Variants in WDR1 observed in about 807,000 individuals in gnomAD.
WDR1 encodes WD repeat domain 1, also known as WD repeat-containing protein 1.
WDR1 carries 21 observed loss-of-function variants against 71.9 expected under a neutral mutation model. The ratio of observed to expected loss-of-function variants is 0.29; its 90% confidence interval spans 0.21 to 0.42. WDR1 has a LOEUF of 0.42. Ranked by LOEUF, WDR1 falls within the 10% of genes least tolerant of loss-of-function variation. The pLI is 1.00. For synonymous variants in WDR1, 424 were observed against 347.4 expected (o/e 1.22, Z -2.45); for missense variants, 696 against 824.5 (o/e 0.84, Z 1.91).
intron 2 of WDR1, among the ~76,000 whole-genome samples, chr4:10,104,511 G>A (rs1352031108): frequency 6.6e-6 from 1 of 152,216 alleles, no homozygotes; most frequent in Non-Finnish European, 1.5e-5. Context: ...CTTGGGTTTG[G>A]AAAGGAAAGT....
rs765018663 is a variant in WDR1 at position 10,083,056 on chromosome 4, C to T, written c.1162G>A (p.Val388Met). The T allele has an allele frequency of 3.7e-6, 6 of 1,613,774 alleles. No individual in the cohort carries two copies. Among genetic ancestry groups the T allele is most frequent in the Non-Finnish European group, 5.1e-6 (6 of 1,179,820 alleles). Residue 388 changes from valine to methionine, a missense_variant, in exon 10 of 15, where the codon GTG becomes ATG. Coordinates refer to ENST00000499869, the MANE Select transcript of WDR1 (RefSeq NM_017491.5). The stretch of plus-strand genomic sequence containing the variant: ...CGCAGCATGAGGCTGGTGTACCGCA[C>T]GGTGTCGTCCATGCTGCAGCTGATG... Reference protein sequence around the residue: ...QLISCSMDDTVRYTSLMLRDY... With the variant: ...QLISCSMDDTMRYTSLMLRDY...
intron 8 of WDR1, 107 bp downstream of exon 8, chr4:10,087,600 C>G: frequency 2.7e-6 from 3 of 1,127,444 alleles, no homozygotes; most frequent in Non-Finnish European, 3.7e-6. Flanking sequence ...CTGAGGACAC[C>G]TCTCTAGCTT....
chr4:10,076,314 C>G (rs369654288), intron 14 of WDR1: 1 of 152,356 alleles, frequency 6.6e-6, no homozygotes, highest in Admixed American at 6.5e-5. Context: ...GGCTTTAGCA[C>G]TCTGTCCACA....
chr4:10,085,058 C>T lies in WDR1; in HGVS notation c.952-528G>A, dbSNP rs145498875. On this transcript the variant is annotated intron_variant, in intron 8 of 14. Transcript: ENST00000499869. Reference sequence around the variant, plus strand: ...GCCCAAGGCTGTCCGTGAACGCTGACGCTCCTACCCTAACCTCCCTGACTG... The same window carrying T: ...GCCCAAGGCTGTCCGTGAACGCTGATGCTCCTACCCTAACCTCCCTGACTG... 5.8e-3 allele frequency among the ~76,000 whole-genome samples: 881 copies of T among 152,350 alleles called. 4 individuals are homozygous for T. The highest frequency in any genetic ancestry group is 8.1e-3 in the Non-Finnish European group (549 of 68,030).
Position 10,104,003 on chromosome 4 carries a change from C to T in WDR1, c.139-17G>A. 1 of 1,581,370 alleles carries T rather than the reference C, an allele frequency of 6.3e-7. No homozygotes were observed. The highest frequency in any genetic ancestry group is 8.6e-7 in the Non-Finnish European group (1 of 1,163,638). On this transcript the variant is annotated splice_polypyrimidine_tract_variant and intron_variant, in intron 2 of 14. Coordinates refer to ENST00000499869, the MANE Select transcript of WDR1 (RefSeq NM_017491.5). ...GGCTGGGTTCTGCAGGAGGAGACCC[C>T]GGAATGAACAGAAGGAATGGAGAAG...
At chr4:10,108,412 C>T (rs1331033509) in intron 2 of WDR1, 1 of 152,212 alleles carries the variant, frequency 6.6e-6, no homozygotes, top group Non-Finnish European at 1.5e-5. Flanking sequence ...AAGCAAAAAA[C>T]ATTTCAGCAG....
chr4:10,087,620 T>TTCCCC (rs1399489259), intron 8 of WDR1, 87 bp downstream of exon 8: 2 of 1,311,684 alleles, frequency 1.5e-6, no homozygotes, highest in Non-Finnish European at 2.1e-6. Context: ...TCCACCTGGC[T>TTCCCC]TCCCCTCGGT....
intron 3 of WDR1, among the ~76,000 whole-genome samples, chr4:10,099,941 A>G (rs1578438647): frequency 6.6e-6 from 1 of 152,028 alleles, no homozygotes; most frequent in Non-Finnish European, 1.5e-5. Flanking sequence ...GGGGCCACGT[A>G]CCCCCAATCC....
intron 12 of WDR1, among the ~76,000 whole-genome samples, chr4:10,078,294 G>A (rs910351877): frequency 6.6e-6 from 1 of 152,292 alleles, no homozygotes; most frequent in African/African-American, 2.4e-5. Context: ...GGTTATCAGA[G>A]GGCTGCCCTC....
chr4:10,099,257 G>T, intron 3 of WDR1, 118 bp from the exon 4 acceptor site: 1 of 813,112 alleles, frequency 1.2e-6, no homozygotes, highest in Non-Finnish European at 1.9e-6. Flanking sequence ...TCAGAACCAT[G>T]TCTGGTTGCT....
At chr4:10,076,982 C>T (rs1764820746) in intron 14 of WDR1, 3 of 325,898 alleles carry the variant, frequency 9.2e-6, no homozygotes, top group East Asian at 5.9e-5. Context: ...ATACACTGGA[C>T]GTGGCTGTCT....
intron 3 of WDR1, 32 bp from the exon 4 acceptor site, chr4:10,099,171 A>AAGGGGGGGGGGGGGGGGGGGGGGG: frequency 9.1e-6 from 1 of 109,758 alleles, no homozygotes; most frequent in Non-Finnish European, 1.7e-5. Flanking sequence ...GGAGGGGGGG[A>AAGGGGGGGGGGGGGGGGGGGGGGG]GGCGGTGGTG....
At chr4:10,083,237 G>C in intron 9 of WDR1, 59 bp from the exon 10 acceptor site, 2 of 1,562,340 alleles carry the variant, frequency 1.3e-6, no homozygotes, top group Non-Finnish European at 1.7e-6. Context: ...CTCAGGTGTG[G>C]CTTCAGTCCT....
chr4:10,114,223 G>A (rs983612405), intron 2 of WDR1, among the ~76,000 whole-genome samples: 19 of 152,124 alleles, frequency 1.2e-4, no homozygotes, highest in African/African-American at 4.1e-4. Flanking sequence ...AATTGAGAAG[G>A]GAAACAGGGT....
chr4:10,075,284 G>A lies in WDR1; in HGVS notation c.*94C>T, dbSNP rs1764757178. ...GCCTCTTGTGGTGGGGTGGGGGCATGGGGGCGCGTCACAGAAATAGAGAAA... is the reference window on the plus strand; with the variant it reads ...GCCTCTTGTGGTGGGGTGGGGGCATAGGGGCGCGTCACAGAAATAGAGAAA... On this transcript the variant is annotated 3_prime_UTR_variant, in exon 15 of 15. Coordinates refer to ENST00000499869, the MANE Select transcript of WDR1 (RefSeq NM_017491.5). The A allele has an allele frequency of 8.8e-7, 1 of 1,141,080 alleles. No homozygotes were observed. The allele number at this position is 1,141,080 out of a possible 1,614,324, so 70.7% of individuals were successfully genotyped here.
In WDR1 at chr4:10,088,236, G is replaced by A. The variant is rs1711716383; in HGVS notation, c.717+57C>T. On this transcript the variant is annotated intron_variant, in intron 7 of 14. Coordinates refer to ENST00000499869, the MANE Select transcript of WDR1 (RefSeq NM_017491.5). ...ACTCCGGAGTGAGTGTGGATGGACT[G>A]ACACGTGGACTCGGCCAAATTCCCA... The A allele has an allele frequency of 8.1e-6, 12 of 1,475,744 alleles. No individual in the cohort carries two copies. In the South Asian group the frequency reaches 1.2e-4, roughly 15 times the overall value. The allele number at this position is 1,475,744 out of a possible 1,614,324, so 91.4% of individuals were successfully genotyped here. A position where few individuals can be genotyped will look rare whatever the true frequency, so the allele number is the denominator to read the frequency against.
intron 4 of WDR1, among the ~76,000 whole-genome samples, chr4:10,098,406 G>A (rs1712485974): frequency 6.6e-6 from 1 of 152,238 alleles, no homozygotes; most frequent in Non-Finnish European, 1.5e-5. Context: ...GAACAGACAT[G>A]CCACTGTCAA....
intron 8 of WDR1, among the ~76,000 whole-genome samples, chr4:10,086,891 C>A (rs569296677): frequency 1.3e-5 from 2 of 152,122 alleles, no homozygotes; most frequent in South Asian, 4.1e-4. Context: ...GGGAAGCAGG[C>A]GAGGGCGCTG....
chr4:10,110,720 G>A (rs1235555560), intron 2 of WDR1, among the ~76,000 whole-genome samples: 2 of 152,178 alleles, frequency 1.3e-5, no homozygotes, highest in Non-Finnish European at 2.9e-5. Context: ...TGGTGCCTTC[G>A]AAGGTTCTTT....
Sources: gnomAD v4.1 joint callset for allele counts (sites outside exome capture counted in the v4.1 genomes callset) on GRCh38, gnomAD v4.1.1 for gene constraint, MANE v1.5 for transcripts, NCBI Gene and HGNC (gene_info 2026-07-23, HGNC 2026-07-21) for gene names.